The following YRDC variants were observed in gnomAD, a reference collection of about 807,000 sequenced individuals.
The protein encoded by YRDC is threonylcarbamoyl-AMP synthase.
In YRDC, 17 loss-of-function variants were observed where a neutral mutation model predicts 21.5. The ratio of observed to expected loss-of-function variants is 0.79; its 90% confidence interval spans 0.54 to 1.19. The LOEUF (loss-of-function observed/expected upper bound fraction) is 1.19, where lower values mean the gene tolerates loss of function less well. Ranked by LOEUF, YRDC falls within the 50% of genes most tolerant of loss-of-function variation. The pLI is 0.00. For synonymous variants in YRDC, 193 were observed against 176.7 expected (o/e 1.09, Z -0.73); for missense variants, 380 against 397.1 (o/e 0.96, Z 0.37).
rs1391684894 is a variant in YRDC at position 37,803,970 on chromosome 1, G to A, written c.795C>T (p.Leu265=). The change falls in exon 5 of 5, where the codon CTC becomes CTT. Residue 265 remains leucine (L), a synonymous_variant. Coordinates refer to ENST00000373044, the MANE Select transcript of YRDC (RefSeq NM_024640.4). ...AGGGGAGCAGTCCGTACTTCTGTTGGAGGATGGCTGTAGTACTTTCCAGGG... is the reference window on the plus strand; with the variant it reads ...AGGGGAGCAGTCCGTACTTCTGTTGAAGGATGGCTGTAGTACTTTCCAGGG... ...GCALESTTAI[L]QQKYGLLPSH... 4 of 1,614,162 alleles carry A rather than the reference G, an allele frequency of 2.5e-6. No individual in the cohort carries two copies. The highest frequency in any genetic ancestry group is 2.2e-5 in the South Asian group (2 of 91,070).
At chr1:37,805,207 C>G (rs1225536519) in intron 3 of YRDC, among the ~76,000 whole-genome samples, 1 of 152,204 alleles carries the variant, frequency 6.6e-6, no homozygotes, top group East Asian at 1.9e-4. Context: ...TTGCAGTGAG[C>G]TGAGATGGTG....
chr1:37,808,146 GC>G lies in YRDC; in HGVS notation c.34del (p.Ala12ProfsTer9). On this transcript the variant is annotated frameshift_variant, in exon 1 of 5. Transcript: ENST00000373044. LOFTEE classifies it high-confidence loss of function. Reference sequence around the variant, plus strand: ...CAACCCCACGCTGGCAGCCACCGCGGCCCTCATCCCCCTGCACCGACGCGCC... The same window carrying G: ...CAACCCCACGCTGGCAGCCACCGCGGCCTCATCCCCCTGCACCGACGCGCC... Reference protein sequence around the residue: ...SPARRCRGMRAAVAASVGLSE... With the variant: ...SPARRCRGMRXAVAASVGLSE... The G allele has an allele frequency of 6.8e-7, 1 of 1,472,318 alleles. No individual in the cohort carries two copies. Among genetic ancestry groups the G allele is most frequent in the South Asian group, 1.3e-5 (1 of 78,066 alleles). 91.2% of individuals were successfully genotyped at this position (1,472,318 alleles called of 1,614,324 possible). A position where few individuals can be genotyped will look rare whatever the true frequency, so the allele number is the denominator to read the frequency against.
chr1:37,804,134 C>T, intron 4 of YRDC, 137 bp from the exon 5 acceptor site: 3 of 1,427,908 alleles, frequency 2.1e-6, no homozygotes, highest in Non-Finnish European at 2.9e-6. Context: ...CCTTTTGAAT[C>T]CTAAGAAAGC....
rs1646745114 is a variant in YRDC, at chr1:37,807,282, T to C, written c.390-67A>G. 5 of 1,390,488 alleles carry C rather than the reference T, an allele frequency of 3.6e-6. No individual in the cohort carries two copies. In the African/African-American group the frequency reaches 5.7e-5, roughly 16 times the overall value. 86.1% of individuals were successfully genotyped at this position (1,390,488 alleles called of 1,614,324 possible). A position where few individuals can be genotyped will look rare whatever the true frequency, so the allele number is the denominator to read the frequency against. On this transcript the variant is annotated intron_variant, in intron 1 of 4. Coordinates refer to ENST00000373044, the MANE Select transcript of YRDC (RefSeq NM_024640.4). ...CCACTGGTGGTCCTTTCCTAGACTC[T>C]AGGCAGACGTAGAAAAGGAATCCTT...
chr1:37,808,102 A>G lies in YRDC; in HGVS notation c.79T>C (p.Ser27Pro), dbSNP rs2148392514. Residue 27 changes from serine to proline, a missense_variant, in exon 1 of 5, where the codon TCC becomes CCC. Coordinates refer to ENST00000373044, the MANE Select transcript of YRDC (RefSeq NM_024640.4). ...GGGCGGAAGAGGCGACCGCTCCGGGAGCCAGCAGGCCCCTCGCTCAACCCC... is the reference window on the plus strand; with the variant it reads ...GGGCGGAAGAGGCGACCGCTCCGGGGGCCAGCAGGCCCCTCGCTCAACCCC... ...SVGLSEGPAG[S>P]RSGRLFRPPS... 1 of 1,423,376 alleles carries G rather than the reference A, an allele frequency of 7.0e-7. No homozygotes were observed. The highest frequency in any genetic ancestry group is 9.2e-7 in the Non-Finnish European group (1 of 1,092,410). 88.2% of individuals were successfully genotyped at this position (1,423,376 alleles called of 1,614,324 possible).
Position 37,807,808 on chromosome 1 carries a change from C to A in YRDC, c.373G>T (p.Val125Leu), listed in dbSNP as rs1398535981. 14 of 1,509,032 alleles carry A rather than the reference C, an allele frequency of 9.3e-6. No individual in the cohort carries two copies. Among genetic ancestry groups the A allele is most frequent in the Non-Finnish European group, 1.1e-5 (13 of 1,133,312 alleles). 93.5% of individuals were successfully genotyped at this position (1,509,032 alleles called of 1,614,324 possible). ...CGGCCTTACCTGTAGACGTCGGCCA[C>A]GCGGCCGAGGCATACGGCCAGAGGC... The part of the protein sequence containing the change: ...AKPLAVCLGR[V>L]ADVYRYCRVR... The change falls in exon 1 of 5, where the codon GTG (valine) becomes TTG (leucine). Residue 125 changes from valine to leucine, a missense_variant. Coordinates refer to ENST00000373044, the MANE Select transcript of YRDC (RefSeq NM_024640.4).
At chr1:37,806,082 T>G (rs1646733277) in intron 3 of YRDC, among the ~76,000 whole-genome samples, 1 of 152,212 alleles carries the variant, frequency 6.6e-6, no homozygotes, top group African/African-American at 2.4e-5. Flanking sequence ...TGATCTGGCT[T>G]GTGGCAGAGA....
rs767044057 is a variant in YRDC, at chr1:37,803,880, A to G, written c.*45T>C. On this transcript the variant is annotated 3_prime_UTR_variant, in exon 5 of 5. Transcript: ENST00000373044. ...TTGACAGTCGTCAGTGGACAGACAC[A>G]TAGTATCCAGCACCAGGTCTTGGGC... The G allele has an allele frequency of 1.2e-6, 2 of 1,605,126 alleles. No homozygotes were observed. The highest frequency in any genetic ancestry group is 2.2e-5 in the East Asian group (1 of 44,838).
intron 1 of YRDC, 151 bp downstream of exon 1, chr1:37,807,641 G>A (rs949730595): frequency 4.7e-5 from 62 of 1,323,094 alleles, no homozygotes; most frequent in Non-Finnish European, 5.4e-5. Context: ...CCCGGGGCAC[G>A]TTAAGTCCTC....
At position 37,803,119 on chromosome 1, in the gene YRDC, T is replaced by TA; in HGVS notation, c.*805dup. 6.6e-6 allele frequency: 1 copy of TA among 152,274 alleles called. No individual in the cohort carries two copies. Among genetic ancestry groups the TA allele is most frequent in the East Asian group, 1.9e-4 (1 of 5,194 alleles). 9.4% of individuals were successfully genotyped at this position (152,274 alleles called of 1,614,324 possible). On this transcript the variant is annotated 3_prime_UTR_variant, in exon 5 of 5. Transcript: ENST00000373044. ...AATTAACTATAATTTATTTTATGAATAAATAAGAAAAAAGTCCCTGGCTAT... is the reference window on the plus strand; with the variant it reads ...AATTAACTATAATTTATTTTATGAATAAAATAAGAAAAAAGTCCCTGGCTAT...
chr1:37,804,301 C>G lies in YRDC; in HGVS notation c.767+1G>C. 1 of 1,612,654 alleles carries G rather than the reference C, an allele frequency of 6.2e-7. No individual in the cohort carries two copies. Among genetic ancestry groups the G allele is most frequent in the Non-Finnish European group, 8.5e-7 (1 of 1,178,886 alleles). On this transcript the variant is annotated splice_donor_variant, in intron 4 of 4. Transcript: ENST00000373044. LOFTEE classifies it high-confidence loss of function. ...CCCCACACCACAGGAAAGAGACTTA[C>G]CAGCCTGGACGAATGATGCCAAACT...
intron 4 of YRDC, 150 bp from the exon 5 acceptor site, chr1:37,804,147 G>T (rs1646720005): frequency 7.0e-7 from 1 of 1,435,390 alleles, no homozygotes; most frequent in African/African-American, 1.4e-5. Context: ...AAGAAAGCCA[G>T]GAAACTTAGT....
At chr1:37,805,782 T>A (rs1646730397) in intron 3 of YRDC, among the ~76,000 whole-genome samples, 1 of 151,686 alleles carries the variant, frequency 6.6e-6, no homozygotes, top group South Asian at 2.1e-4. Context: ...TCGAATGGAG[T>A]TCTGAGCAGG....
Position 37,806,958 on chromosome 1 carries a change from G to A in YRDC, c.523C>T (p.Pro175Ser). Residue 175 changes from proline (P) to serine (S), a missense_variant, in exon 3 of 5, where the codon CCT becomes TCT. By Grantham distance (74) the Pro-to-Ser change is moderately conservative. Around this residue, in one of 3 missense-constraint regions of YRDC, gnomAD observed 238 missense variants for 236.5 expected, o/e 1.01. Coordinates refer to ENST00000373044, the MANE Select transcript of YRDC (RefSeq NM_024640.4). ...AAGTCTTGCATAAAAGCATGATCAG[G>A]AATCCGAATGCCTACAAGCTGTAAG... The part of the protein sequence containing the change: ...PFTPLVGIRI[P>S]DHAFMQDLAQ... 1 of 1,614,198 alleles carries A rather than the reference G, an allele frequency of 6.2e-7. No individual in the cohort carries two copies. The highest frequency in any genetic ancestry group is 8.5e-7 in the Non-Finnish European group (1 of 1,180,028).
In YRDC at chr1:37,807,112, G is replaced by A; in HGVS notation, c.493C>T (p.Pro165Ser). The A allele has an allele frequency of 5.0e-6, 8 of 1,614,138 alleles. No individual in the cohort carries two copies. Among genetic ancestry groups the A allele is most frequent in the Non-Finnish European group, 6.8e-6 (8 of 1,180,038 alleles). Reference protein sequence around the residue: ...RSEELNKDLNPFTPLVGIRIP... With the variant: ...RSEELNKDLNSFTPLVGIRIP... The stretch of plus-strand genomic sequence containing the variant: ...AAAACTTGACTCACAGGCGTAAAAG[G>A]GTTTAGGTCCTTGTTGAGCTCCTCC... Residue 165 changes from proline (P) to serine (S), a missense_variant, in exon 2 of 5, where the codon CCT becomes TCT. By Grantham distance (74) the Pro-to-Ser change is moderately conservative. Transcript: ENST00000373044.
chr1:37,807,361 A>T (rs1223093959), intron 1 of YRDC, 146 bp from the exon 2 acceptor site: 2 of 777,316 alleles, frequency 2.6e-6, no homozygotes, highest in African/African-American at 1.7e-5. Context: ...TAAGAGCTTG[A>T]GCAGAAAGCA....
At chr1:37,807,740 A>G in intron 1 of YRDC, 52 bp downstream of exon 1, 1 of 1,425,072 alleles carries the variant, frequency 7.0e-7, no homozygotes, top group Middle Eastern at 2.6e-4. Context: ...CTGTCACCGG[A>G]AACCCCTCCC....
At position 37,808,201 on chromosome 1, in the gene YRDC, G is replaced by A. The variant is rs1445623583; in HGVS notation, c.-21C>T. On this transcript the variant is annotated 5_prime_UTR_variant, in exon 1 of 5. Transcript: ENST00000373044. Reference sequence around the variant, plus strand: ...GACATCCGCCCAGGCCCGCTTCCGGGAGGAAGTGACGCTCCCAGCCAGCTT... The same window carrying A: ...GACATCCGCCCAGGCCCGCTTCCGGAAGGAAGTGACGCTCCCAGCCAGCTT... 2.1e-5 allele frequency: 30 copies of A among 1,423,206 alleles called. No homozygotes were observed. The East Asian group carries it at 8.5e-4, about 40-fold the overall frequency. The allele number at this position is 1,423,206 out of a possible 1,614,324, so 88.2% of individuals were successfully genotyped here.
In YRDC at chr1:37,807,782, G is replaced by A. The variant is rs547130765; in HGVS notation, c.389+10C>T. Reference sequence around the variant, plus strand: ...CCGCCCCTAGCGGGGCCGGGTCGGGGCGGCCTTACCTGTAGACGTCGGCCA... The same window carrying A: ...CCGCCCCTAGCGGGGCCGGGTCGGGACGGCCTTACCTGTAGACGTCGGCCA... On this transcript the variant is annotated intron_variant, in intron 1 of 4. Transcript: ENST00000373044. 7.9e-5 allele frequency: 119 copies of A among 1,497,978 alleles called. No homozygotes were observed. Among genetic ancestry groups the A allele is most frequent in the East Asian group, 4.2e-4 (16 of 38,158 alleles). The allele number at this position is 1,497,978 out of a possible 1,614,324, so 92.8% of individuals were successfully genotyped here.
Sources: gnomAD v4.1 joint callset for allele counts (sites outside exome capture counted in the v4.1 genomes callset) on GRCh38, gnomAD v4.1.1 for gene constraint, gnomAD v4.1.1 regional missense constraint, MANE v1.5 for transcripts, NCBI Gene and HGNC (gene_info 2026-07-23, HGNC 2026-07-21) for gene names.